The following MTCL2 variants were observed in gnomAD, a reference collection of about 807,000 sequenced individuals.
The protein encoded by MTCL2 is microtubule cross-linking factor 2.
chr20:36,805,853 C>T, the MTCL2 span: 1 of 1,605,704 alleles, frequency 6.2e-7, no homozygotes, highest in Non-Finnish European at 8.5e-7. Flanking sequence ...GGAAACACAC[C>T]GTGTTCTGGG....
At chr20:36,805,528 C>T in the MTCL2 span, among the ~76,000 whole-genome samples, 1 of 152,220 alleles carries the variant, frequency 6.6e-6, no homozygotes, top group African/African-American at 2.4e-5. Flanking sequence ...CACCTTGCCA[C>T]ACCTTGGCAC....
At chr20:36,838,817 A>C in the MTCL2 span, among the ~76,000 whole-genome samples, 1 of 151,906 alleles carries the variant, frequency 6.6e-6, no homozygotes, top group East Asian at 1.9e-4. Context: ...AAAATACAAA[A>C]ATTAGCCGGG....
the MTCL2 span, among the ~76,000 whole-genome samples, chr20:36,853,325 T>C: frequency 6.6e-6 from 1 of 152,090 alleles, no homozygotes; most frequent in Non-Finnish European, 1.5e-5. Flanking sequence ...CAATCCCCGA[T>C]GGGAGAGGAA....
the MTCL2 span, chr20:36,793,962 C>A: frequency 6.4e-7 from 1 of 1,551,562 alleles, no homozygotes; most frequent in Non-Finnish European, 8.7e-7. The surrounding 1 kb of genome is among the most constrained non-coding windows in gnomAD (Gnocchi z 6.8). Flanking sequence ...CTGGCCAGGC[C>A]CACCGTCTGG....
the MTCL2 span, among the ~76,000 whole-genome samples, chr20:36,849,793 G>A: frequency 1.3e-5 from 2 of 152,204 alleles, no homozygotes; most frequent in African/African-American, 4.8e-5. Flanking sequence ...ACCTTTGCAC[G>A]TGGCTCCAGA....
the MTCL2 span, among the ~76,000 whole-genome samples, chr20:36,809,274 A>T: frequency 4.6e-5 from 7 of 152,228 alleles, no homozygotes; most frequent in Non-Finnish European, 8.8e-5. Flanking sequence ...CAAAATGGTG[A>T]TAAGGGAGGG....
At chr20:36,824,922 G>T in the MTCL2 span, among the ~76,000 whole-genome samples, 1 of 150,848 alleles carries the variant, frequency 6.6e-6, no homozygotes, top group Non-Finnish European at 1.5e-5. Context: ...CCAAAGTGCT[G>T]TGTCTGGTCT....
At chr20:36,785,247 G>A in the MTCL2 span, 5 of 985,240 alleles carry the variant, frequency 5.1e-6, no homozygotes, top group Middle Eastern at 5.2e-4. Flanking sequence ...GCTGCCAAGC[G>A]GCCTCGTCCA....
the MTCL2 span, chr20:36,810,022 C>T: frequency 1.0e-5 from 16 of 1,600,450 alleles, no homozygotes; most frequent in East Asian, 4.5e-5. Context: ...CTCCTCCTTT[C>T]GTAGCTGCCG....
chr20:36,828,763 C>A, the MTCL2 span: 3 of 358,312 alleles, frequency 8.4e-6, no homozygotes, highest in African/African-American at 4.3e-5. Context: ...CCTCCCACAG[C>A]GGCTGTGGTT....
chr20:36,811,134 C>CT, the MTCL2 span, among the ~76,000 whole-genome samples: 1 of 152,152 alleles, frequency 6.6e-6, no homozygotes, highest in Non-Finnish European at 1.5e-5. Flanking sequence ...GGCACAGTGA[C>CT]TTGAGGTATA....
At chr20:36,803,444 A>G in the MTCL2 span, among the ~76,000 whole-genome samples, 6 of 152,230 alleles carry the variant, frequency 3.9e-5, no homozygotes, top group Admixed American at 1.3e-4. Context: ...AGGAAAGGGA[A>G]TGTGCAACCT....
chr20:36,814,981 G>C, the MTCL2 span: 2 of 736,792 alleles, frequency 2.7e-6, no homozygotes, highest in Non-Finnish European at 4.2e-6. Context: ...AGAATGGCTA[G>C]AGCCCAGGAT....
At chr20:36,852,923 G>C in the MTCL2 span, among the ~76,000 whole-genome samples, 14 of 152,042 alleles carry the variant, frequency 9.2e-5, no homozygotes, top group Non-Finnish European at 1.6e-4. Flanking sequence ...CAGGCATGAT[G>C]GCACATGCCT....
chr20:36,788,686 A>G, the MTCL2 span, among the ~76,000 whole-genome samples: 6 of 152,212 alleles, frequency 3.9e-5, no homozygotes, highest in African/African-American at 1.4e-4. Context: ...GATAGAGCCA[A>G]ACTGCTTGGT....
At chr20:36,817,357 G>T in the MTCL2 span, 1 of 1,505,820 alleles carries the variant, frequency 6.6e-7, no homozygotes. Flanking sequence ...CTTAGAGTCA[G>T]GCTCAGGTCT....
At chr20:36,833,338 G>C in the MTCL2 span, among the ~76,000 whole-genome samples, 1 of 152,256 alleles carries the variant, frequency 6.6e-6, no homozygotes, top group Non-Finnish European at 1.5e-5. Context: ...GAGATACTAA[G>C]GGAGGCGCGG....
At chr20:36,860,876 G>C in the MTCL2 span, among the ~76,000 whole-genome samples, 1 of 152,170 alleles carries the variant, frequency 6.6e-6, no homozygotes, top group Non-Finnish European at 1.5e-5. Flanking sequence ...GCCCAAACGT[G>C]GGATGTCCCC....
chr20:36,817,270 A>G, the MTCL2 span: 1 of 618,858 alleles, frequency 1.6e-6, no homozygotes, highest in Non-Finnish European at 2.5e-6. Context: ...CCGTCTCAAA[A>G]AAAAAAAAAA....
Sources: gnomAD v4.1 joint callset for allele counts (sites outside exome capture counted in the v4.1 genomes callset) on GRCh38, gnomAD v4.1.1 for gene constraint, Gnocchi (gnomAD v3.1) non-coding constraint, MANE v1.5 for transcripts, NCBI Gene and HGNC (gene_info 2026-07-23, HGNC 2026-07-21) for gene names.